Variants in SLFNL1 observed in about 807,000 individuals in gnomAD.
The protein encoded by SLFNL1 is schlafen like 1.
A neutral mutation model predicts 32.5 loss-of-function variants in SLFNL1; 26 were observed. The observed-to-expected ratio is 0.80, with a 90% CI of 0.59 to 1.11. SLFNL1 has a LOEUF of 1.11. SLFNL1 is among the 50% of genes least tolerant of loss of function. The pLI is 0.00. For missense variants in SLFNL1, 553 were observed against 546.5 expected (o/e 1.01, Z -0.12); for synonymous variants, 255 against 242.2 (o/e 1.05, Z -0.49).
At position 41,017,631 on chromosome 1, in the gene SLFNL1, T is replaced by C; in HGVS notation, c.957+4A>G. 6.6e-7 allele frequency: 1 copy of C among 1,520,372 alleles called. No individual in the cohort carries two copies. The highest frequency in any genetic ancestry group is 8.8e-7 in the Non-Finnish European group (1 of 1,132,586). 94.2% of individuals were successfully genotyped at this position (1,520,372 alleles called of 1,614,324 possible). A position where few individuals can be genotyped will look rare whatever the true frequency, so the allele number is the denominator to read the frequency against. The stretch of plus-strand genomic sequence containing the variant: ...CCAGAGGCCCTCCTGTCCTGCAGGC[T>C]CACCTTGAGGGGGACGCTGGTCTCC... On this transcript the variant is annotated splice_donor_region_variant and intron_variant, in intron 4 of 5. Coordinates refer to ENST00000302946, the MANE Select transcript of SLFNL1 (RefSeq NM_144990.4). The surrounding 1 kb of genome is among the most constrained non-coding windows in gnomAD (Gnocchi z 4.9).
In SLFNL1 at chr1:41,020,469, G is replaced by GGCAA; in HGVS notation, c.188_191dup (p.Leu67ProfsTer19). On this transcript the variant is annotated frameshift_variant, in exon 3 of 6. Transcript: ENST00000302946. LOFTEE classifies it high-confidence loss of function. The stretch of plus-strand genomic sequence containing the variant: ...GCTCCAGGGTGTCTCGCAGCAGGCA[G>GGCAA]GCAAGCACCGGCACTGAGAACTGGG... The GGCAA allele has an allele frequency of 5.6e-6, 9 of 1,613,482 alleles. No individual in the cohort carries two copies. The highest frequency in any genetic ancestry group is 7.6e-6 in the Non-Finnish European group (9 of 1,180,044).
intron 5 of SLFNL1, 170 bp from the exon 6 acceptor site, chr1:41,016,398 G>A: frequency 9.6e-7 from 1 of 1,045,152 alleles, no homozygotes; most frequent in South Asian, 1.7e-5. Context: ...AACCGTGTCA[G>A]CCTGAGGGAA....
intron 3 of SLFNL1, 51 bp from the exon 4 acceptor site, chr1:41,018,207 C>T (rs1431504294): frequency 2.1e-6 from 3 of 1,427,828 alleles, no homozygotes; most frequent in Non-Finnish European, 2.8e-6. Context: ...GAAATGGGAG[C>T]CCTGACCCTG....
chr1:41,018,957 A>T (rs1643604977), intron 3 of SLFNL1, among the ~76,000 whole-genome samples: 1 of 148,208 alleles, frequency 6.7e-6, no homozygotes, highest in African/African-American at 2.5e-5. Context: ...CTCCTGCCTC[A>T]GCCTCCCGAG....
intron 3 of SLFNL1, among the ~76,000 whole-genome samples, chr1:41,019,003 C>T (rs1180902581): frequency 6.6e-6 from 1 of 151,946 alleles, no homozygotes; most frequent in Non-Finnish European, 1.5e-5. Context: ...CCACGCCCGG[C>T]TAATTTTTTT....
chr1:41,018,834 T>G (rs1643581605), intron 3 of SLFNL1, among the ~76,000 whole-genome samples: 1 of 134,064 alleles, frequency 7.5e-6, no homozygotes, highest in Admixed American at 7.5e-5. Context: ...TCCTGTTTTT[T>G]TTTTTTTTTT....
In SLFNL1 at chr1:41,016,012, G is replaced by A. The variant is rs1019607543; in HGVS notation, c.*94C>T. The A allele has an allele frequency of 1.3e-5, 20 of 1,481,754 alleles. No individual in the cohort carries two copies. The highest frequency in any genetic ancestry group is 2.8e-5 in the African/African-American group (2 of 70,492). The allele number at this position is 1,481,754 out of a possible 1,614,324, so 91.8% of individuals were successfully genotyped here. On this transcript the variant is annotated 3_prime_UTR_variant, in exon 6 of 6. Transcript: ENST00000302946. ...GTCCCTGTCCGCCTCTCAGCAGCCC[G>A]CATGGGCTTTACTGGTTGGCCTTAC...
At chr1:41,020,188 T>TGAGGCTTTGGAGC (rs767584073) in intron 3 of SLFNL1, 38 bp downstream of exon 3, 2 of 1,545,688 alleles carry the variant, frequency 1.3e-6, no homozygotes, top group Admixed American at 3.8e-5. Flanking sequence ...TCCCTTGGGG[T>TGAGGCTTTGGAGC]GAGGCTTTGG....
intron 1 of SLFNL1, chr1:41,021,183 C>T (rs1489561337): frequency 6.4e-6 from 1 of 156,056 alleles, no homozygotes; most frequent in Non-Finnish European, 1.4e-5. Flanking sequence ...TGCAGCTTCT[C>T]TGCCTGCTCT....
At chr1:41,019,429 A>G (rs1273638347) in intron 3 of SLFNL1, among the ~76,000 whole-genome samples, 1 of 152,108 alleles carries the variant, frequency 6.6e-6, no homozygotes, top group Non-Finnish European at 1.5e-5. Context: ...GTCCCACCCA[A>G]TAAAGCCAGC....
chr1:41,018,011 C>CCG lies in SLFNL1; in HGVS notation c.579_580dup (p.Gly194AlafsTer70). The CCG allele has an allele frequency of 6.2e-7, 1 of 1,603,184 alleles. No individual in the cohort carries two copies. The highest frequency in any genetic ancestry group is 8.5e-7 in the Non-Finnish European group (1 of 1,175,796). ...CACAATGGCACTGTCGGAGCACACG[C>CCG]CGCTGGGCCGGCCCTGGCAGCTCTG... is the stretch of plus-strand genomic sequence containing the variant. On this transcript the variant is annotated frameshift_variant, in exon 4 of 6. Coordinates refer to ENST00000302946, the MANE Select transcript of SLFNL1 (RefSeq NM_144990.4). LOFTEE classifies it high-confidence loss of function.
At chr1:41,018,840 T>TTG (rs1282234266) in intron 3 of SLFNL1, among the ~76,000 whole-genome samples, 2 of 139,350 alleles carry the variant, frequency 1.4e-5, no homozygotes, top group Non-Finnish European at 3.1e-5. Context: ...TTTTTTTTTT[T>TTG]TTTTTTTTTT....
At chr1:41,016,714 AT>A (rs201378730) in intron 5 of SLFNL1, 384 of 145,604 alleles carry the variant, frequency 2.6e-3, no homozygotes, top group Non-Finnish European at 3.5e-3. Context: ...ACTGCATAGG[AT>A]TTTTTTTTTT....
intron 3 of SLFNL1, among the ~76,000 whole-genome samples, chr1:41,020,009 A>G (rs913375363): frequency 1.3e-5 from 2 of 152,184 alleles, no homozygotes; most frequent in African/African-American, 4.8e-5. Flanking sequence ...TCTTCACACA[A>G]ACGTCGGGCT....
At chr1:41,019,487 C>T (rs563900057) in intron 3 of SLFNL1, among the ~76,000 whole-genome samples, 2 of 152,272 alleles carry the variant, frequency 1.3e-5, no homozygotes, top group African/African-American at 4.8e-5. Context: ...GGCCCCTACC[C>T]TACCTTCTGG....
intron 3 of SLFNL1, 188 bp from the exon 4 acceptor site, chr1:41,018,344 T>A (rs1290451410): frequency 1.8e-6 from 1 of 546,134 alleles, no homozygotes; most frequent in Non-Finnish European, 3.1e-6. Context: ...CAGGAAACCC[T>A]GCTGGATCGA....
Position 41,017,504 on chromosome 1 carries a change from T to C in SLFNL1, c.958-127A>G. On this transcript the variant is annotated intron_variant, in intron 4 of 5. Coordinates refer to ENST00000302946, the MANE Select transcript of SLFNL1 (RefSeq NM_144990.4). This position sits in a 1 kb window ranked among gnomAD's most constrained non-coding sequence, Gnocchi z 4.9. ...GCCAGCAGGGCTGGCACAGGGGCCA[T>C]CCCCAGCCTCTTCTCCTGTGGCCCC... 2 of 1,488,206 alleles carry C rather than the reference T, an allele frequency of 1.3e-6. No individual in the cohort carries two copies. Among genetic ancestry groups the C allele is most frequent in the South Asian group, 1.3e-5 (1 of 74,864 alleles). 92.2% of individuals were successfully genotyped at this position (1,488,206 alleles called of 1,614,324 possible). A position where few individuals can be genotyped will look rare whatever the true frequency, so the allele number is the denominator to read the frequency against.
chr1:41,020,643 T>A lies in SLFNL1; in HGVS notation c.18A>T (p.Arg6Ser), dbSNP rs1302774367. MTPMK[R>S]SVQTQVSEPF... ...GCTCTGACACCTGTGTTTGCACTGA[T>A]CTCTTCATGGGGGTCATGGGAAGGC... Residue 6 changes from arginine to serine, a missense_variant, in exon 3 of 6, where the codon AGA (arginine) becomes AGT (serine). Physicochemically the swap from Arg to Ser is moderately radical, Grantham distance 110. Coordinates refer to ENST00000302946, the MANE Select transcript of SLFNL1 (RefSeq NM_144990.4). 5 of 1,611,348 alleles carry A rather than the reference T, an allele frequency of 3.1e-6. No homozygotes were observed. Among genetic ancestry groups the A allele is most frequent in the Non-Finnish European group, 4.2e-6 (5 of 1,178,514 alleles).
chr1:41,020,456 C>G lies in SLFNL1; in HGVS notation c.205G>C (p.Asp69His). The change falls in exon 3 of 6, where the codon GAC (aspartate) becomes CAC (histidine). Residue 69 changes from aspartate (D) to histidine (H), a missense_variant. By Grantham distance (81) the Asp-to-His change is moderately conservative. Coordinates refer to ENST00000302946, the MANE Select transcript of SLFNL1 (RefSeq NM_144990.4). Reference sequence around the variant, plus strand: ...GGCATCTCCAGCCGCTCCAGGGTGTCTCGCAGCAGGCAGGCAAGCACCGGC... The same window carrying G: ...GGCATCTCCAGCCGCTCCAGGGTGTGTCGCAGCAGGCAGGCAAGCACCGGC... ...SVPVLACLLR[D>H]TLERLEMPVA... The G allele has an allele frequency of 6.2e-7, 1 of 1,613,460 alleles. No individual in the cohort carries two copies. The highest frequency in any genetic ancestry group is 8.5e-7 in the Non-Finnish European group (1 of 1,180,032).
Sources: allele counts gnomAD v4.1 joint callset (sites outside exome capture counted in the v4.1 genomes callset), GRCh38; gene constraint gnomAD v4.1.1; non-coding constraint Gnocchi (gnomAD v3.1); transcripts MANE v1.5; gene names NCBI Gene and HGNC (gene_info 2026-07-23, HGNC 2026-07-21).